The following BATF variants were observed in gnomAD, a reference collection of about 807,000 sequenced individuals.
BATF encodes the protein basic leucine zipper ATF-like transcription factor.
A neutral mutation model predicts 13.7 loss-of-function variants in BATF; 5 were observed. The ratio of observed to expected loss-of-function variants is 0.36; its 90% CI spans 0.19 to 0.77. BATF has a LOEUF of 0.77. Among genes scored for constraint, BATF ranks in the 30% least tolerant of loss-of-function variants. BATF has a pLI of 0.51. For missense variants in BATF, 124 were observed against 163.0 expected, an observed-to-expected ratio of 0.76 and a Z score of 1.30; for synonymous variants, 72 against 67.5, an observed-to-expected ratio of 1.07 and a Z score of -0.33.
intron 2 of BATF, among the ~76,000 whole-genome samples, chr14:75,527,720 T>G (rs767177373): frequency 3.3e-5 from 5 of 152,192 alleles, no homozygotes; most frequent in Non-Finnish European, 7.4e-5. Context: ...CCCCAAGTCA[T>G]ATAGTCAACA....
At chr14:75,542,954 G>A (rs1479019954) in intron 2 of BATF, among the ~76,000 whole-genome samples, 3 of 152,226 alleles carry the variant, frequency 2.0e-5, no homozygotes, top group Non-Finnish European at 4.4e-5. Flanking sequence ...TCTAGGCGGG[G>A]AGAAGGTCAG....
chr14:75,532,441 A>T (rs1044995645), intron 2 of BATF, among the ~76,000 whole-genome samples: 1 of 152,218 alleles, frequency 6.6e-6, no homozygotes, highest in African/African-American at 2.4e-5. Flanking sequence ...ATATCAACAT[A>T]TATAGATAGG....
intron 2 of BATF, among the ~76,000 whole-genome samples, chr14:75,540,532 C>T (rs941016562): frequency 2.0e-5 from 3 of 152,170 alleles, no homozygotes; most frequent in Admixed American, 1.3e-4. Flanking sequence ...AACAGTATAA[C>T]GTTTAAACAG....
intron 2 of BATF, among the ~76,000 whole-genome samples, chr14:75,534,900 G>A (rs758659123): frequency 5.9e-5 from 9 of 152,102 alleles, no homozygotes; most frequent in South Asian, 2.1e-4. Flanking sequence ...TGTGCATCAC[G>A]ATGTTCATCT....
In BATF at chr14:75,532,870, C is replaced by T. The variant is rs373616995; in HGVS notation, c.168+7682C>T. On this transcript the variant is annotated intron_variant, in intron 2 of 2. Transcript: ENST00000286639. Reference sequence around the variant, plus strand: ...AAAATTTGTGGGTTTTGGGCATGGTCGCATGCATAAAGAGATATCCGGAAG... The same window carrying T: ...AAAATTTGTGGGTTTTGGGCATGGTTGCATGCATAAAGAGATATCCGGAAG... Among the ~76,000 whole-genome samples the T allele has an allele frequency of 1.8e-3, 276 of 152,198 alleles. 4 individuals carry two copies. The South Asian group carries it at 0.045, about 25-fold the overall frequency.
intron 2 of BATF, among the ~76,000 whole-genome samples, chr14:75,536,677 A>G (rs1887822809): frequency 6.6e-6 from 1 of 151,606 alleles, no homozygotes; most frequent in East Asian, 1.9e-4. Context: ...GAGTTGTGAT[A>G]GCACCACTGC....
chr14:75,529,130 A>C (rs1484966031), intron 2 of BATF, among the ~76,000 whole-genome samples: 2 of 152,246 alleles, frequency 1.3e-5, no homozygotes, highest in Non-Finnish European at 2.9e-5. Context: ...GTGAAAAAAA[A>C]TCATATGACA....
chr14:75,530,653 T>A (rs139804607), intron 2 of BATF, among the ~76,000 whole-genome samples: 25 of 152,316 alleles, frequency 1.6e-4, no homozygotes, highest in African/African-American at 5.3e-4. Context: ...ATTAGTTTTT[T>A]AATTTAATGT....
intron 2 of BATF, among the ~76,000 whole-genome samples, chr14:75,540,668 G>C (rs1294660500): frequency 6.6e-6 from 1 of 152,152 alleles, no homozygotes; most frequent in Non-Finnish European, 1.5e-5. Context: ...CTGTTCCTCT[G>C]TTTTTCCTCT....
rs1162218076 is a variant in BATF, at chr14:75,539,424, ATTTTTT to A, written c.169-7016_169-7011del. Among the ~76,000 whole-genome samples the A allele has an allele frequency of 3.2e-4, 19 of 58,552 alleles. No homozygotes were observed. In the South Asian group the frequency reaches 3.7e-3, roughly 11 times the overall value. 38.4% of individuals were successfully genotyped at this position (58,552 alleles called of 152,430 possible). The stretch of plus-strand genomic sequence containing the variant: ...TAGCTACAAGGTAAGGTAAGCTGGA[ATTTTTT>A]TTTTTTTTTTTTTTTTTTTTTAGCA... On this transcript the variant is annotated intron_variant, in intron 2 of 2. Coordinates refer to ENST00000286639, the MANE Select transcript of BATF (RefSeq NM_006399.5).
chr14:75,538,844 T>C (rs1887855671), intron 2 of BATF, among the ~76,000 whole-genome samples: 1 of 152,184 alleles, frequency 6.6e-6, no homozygotes, highest in South Asian at 2.1e-4. Context: ...GAGCTTGCAA[T>C]GAGCCGAGAT....
chr14:75,527,022 A>G (rs1313101889), intron 2 of BATF, among the ~76,000 whole-genome samples: 1 of 152,224 alleles, frequency 6.6e-6, no homozygotes, highest in Non-Finnish European at 1.5e-5. Context: ...CAGTCAGAAC[A>G]GGGATTGAAT....
chr14:75,522,732 C>T lies in BATF; in HGVS notation c.50C>T (p.Pro17Leu). The change falls in exon 1 of 3, where the codon CCC becomes CTC. Residue 17 changes from proline to leucine, a missense_variant. Pro to Leu is a moderately conservative substitution (Grantham distance 98). Transcript: ENST00000286639. Reference protein sequence around the residue: ...SSDSSFSRSPPPGKQDSSDDV... With the variant: ...SSDSSFSRSPLPGKQDSSDDV... Reference sequence around the variant, plus strand: ...GACTCCAGCTTCAGCCGCTCTCCTCCCCCTGGCAAACAGGTAGAGTCCTCC... The same window carrying T: ...GACTCCAGCTTCAGCCGCTCTCCTCTCCCTGGCAAACAGGTAGAGTCCTCC... 1.2e-6 allele frequency: 2 copies of T among 1,614,162 alleles called. No homozygotes were observed. The highest frequency in any genetic ancestry group is 1.7e-6 in the Non-Finnish European group (2 of 1,180,022).
chr14:75,535,685 G>A (rs1887806917), intron 2 of BATF, among the ~76,000 whole-genome samples: 1 of 152,120 alleles, frequency 6.6e-6, no homozygotes, highest in Non-Finnish European at 1.5e-5. Context: ...TACTTCGAGA[G>A]TGGAAGATGG....
intron 2 of BATF, among the ~76,000 whole-genome samples, chr14:75,536,571 AT>A (rs1302553541): frequency 1.3e-4 from 20 of 151,642 alleles, no homozygotes; most frequent in Admixed American, 3.9e-4. Context: ...ACAAAAAAAA[AT>A]TTTTTTTAAA....
At chr14:75,538,697 C>T (rs1270214210) in intron 2 of BATF, among the ~76,000 whole-genome samples, 2 of 152,154 alleles carry the variant, frequency 1.3e-5, no homozygotes, top group African/African-American at 4.8e-5. Context: ...GTCAGGAGAT[C>T]GAGACCATCC....
chr14:75,524,977 C>T lies in BATF; in HGVS notation c.64-107C>T, dbSNP rs762990722. 4.6e-5 allele frequency: 43 copies of T among 928,246 alleles called. 1 individual carries two copies. In the African/African-American group the frequency reaches 5.6e-4, roughly 12 times the overall value. The allele number at this position is 928,246 out of a possible 1,614,324, so 57.5% of individuals were successfully genotyped here. A position where few individuals can be genotyped will look rare whatever the true frequency, so the allele number is the denominator to read the frequency against. On this transcript the variant is annotated intron_variant, in intron 1 of 2. Transcript: ENST00000286639. The stretch of plus-strand genomic sequence containing the variant: ...GAGGGATGGAGGGTTCATGCAGAGA[C>T]GAAGGCATGGAAGGATGGCTGGACG...
intron 2 of BATF, among the ~76,000 whole-genome samples, chr14:75,526,543 C>T (rs1566765889): frequency 6.6e-6 from 1 of 152,080 alleles, no homozygotes; most frequent in South Asian, 2.1e-4. Flanking sequence ...TTCAGCTTTA[C>T]AAGGAAACAG....
chr14:75,526,343 T>C (rs2140034496), intron 2 of BATF, among the ~76,000 whole-genome samples: 1 of 152,318 alleles, frequency 6.6e-6, no homozygotes, highest in African/African-American at 2.4e-5. Context: ...CTGCCCTTGC[T>C]CCAGAAACAT....
Sources: allele counts gnomAD v4.1 joint callset (sites outside exome capture counted in the v4.1 genomes callset), GRCh38; gene constraint gnomAD v4.1.1; transcripts MANE v1.5; gene names NCBI Gene and HGNC (gene_info 2026-07-23, HGNC 2026-07-21).